DYM: variants seen among roughly 807,000 people sequenced by gnomAD.
DYM encodes the protein dyggve-Melchior-Clausen syndrome protein.
In DYM, 78 loss-of-function variants were observed where a neutral mutation model predicts 93.1. The ratio of observed to expected loss-of-function variants is 0.84; its 90% CI spans 0.70 to 1.01. The LOEUF is 1.01. Among genes scored for constraint, DYM ranks in the 50% least tolerant of loss-of-function variants. The pLI is 0.00. For synonymous variants in DYM, 321 were observed against 319.7 expected, an observed-to-expected ratio of 1.00 and a Z score of -0.04; for missense variants, 789 against 845.0, an observed-to-expected ratio of 0.93 and a Z score of 0.82.
intron 16 of DYM, among the ~76,000 whole-genome samples, chr18:49,098,345 TACAA>T (rs2079776828): frequency 6.6e-6 from 1 of 152,212 alleles, no homozygotes; most frequent in African/African-American, 2.4e-5. Context: ...TATATTAAGT[TACAA>T]ACAATCCTTC....
intron 9 of DYM, among the ~76,000 whole-genome samples, chr18:49,282,724 G>A (rs2095021456): frequency 6.6e-6 from 1 of 152,098 alleles, no homozygotes; most frequent in Non-Finnish European, 1.5e-5. Flanking sequence ...ATAAGAACAT[G>A]AACTTAAATA....
Position 49,038,094 on chromosome 18 carries a change from G to C in DYM, c.*5961C>G, listed in dbSNP as rs1192718514. Among the ~76,000 whole-genome samples the C allele has an allele frequency of 1.1e-4, 17 of 152,216 alleles. No homozygotes were observed. ...CCTGACTTGGCCTCTCAAAGTGCTA[G>C]TATTACAGATGTGAGCCACTGTGCC... On this transcript the variant is annotated 3_prime_UTR_variant, in exon 18 of 18. Coordinates refer to ENST00000675505, the MANE Select transcript of DYM (RefSeq NM_001353214.3).
chr18:49,065,665 A>AT lies in DYM; in HGVS notation c.2026-21462dup, dbSNP rs956686881. Among the ~76,000 whole-genome samples the AT allele has an allele frequency of 4.0e-4, 60 of 148,826 alleles. 1 individual carries two copies. Among genetic ancestry groups the AT allele is most frequent in the Non-Finnish European group, 6.1e-4 (41 of 66,864 alleles). ...GCATGAGCCACTGCACCCGGCCTCA[A>AT]TTTTTTTTTTTAACTACATGCTTGT... On this transcript the variant is annotated intron_variant, in intron 17 of 17. Transcript: ENST00000675505.
At chr18:49,228,988 T>A (rs540076999) in intron 13 of DYM, among the ~76,000 whole-genome samples, 5 of 152,278 alleles carry the variant, frequency 3.3e-5, no homozygotes, top group African/African-American at 1.2e-4. Context: ...ACATAATTTT[T>A]AAGAAAATTA....
chr18:49,145,749 A>C (rs1252149619), intron 15 of DYM, among the ~76,000 whole-genome samples: 1 of 152,170 alleles, frequency 6.6e-6, no homozygotes, highest in Non-Finnish European at 1.5e-5. Context: ...TTATTCAACA[A>C]ATTCTTACTG....
intron 13 of DYM, among the ~76,000 whole-genome samples, chr18:49,242,819 C>G (rs2094055684): frequency 6.6e-6 from 1 of 152,192 alleles, no homozygotes; most frequent in African/African-American, 2.4e-5. Context: ...CCTGCCTCAG[C>G]CTCCCGAGTA....
chr18:49,137,581 G>C (rs1220693097), intron 15 of DYM, among the ~76,000 whole-genome samples: 7 of 152,082 alleles, frequency 4.6e-5, no homozygotes, highest in Non-Finnish European at 8.8e-5. Flanking sequence ...TAATTTAGTA[G>C]GAATATTAAG....
chr18:49,046,641 T>C (rs2071625724), intron 17 of DYM, among the ~76,000 whole-genome samples: 1 of 152,238 alleles, frequency 6.6e-6, no homozygotes, highest in Non-Finnish European at 1.5e-5. Context: ...AGCTCACGCC[T>C]GTAATCCCAG....
At chr18:49,244,222 T>G (rs2094111344) in intron 13 of DYM, among the ~76,000 whole-genome samples, 1 of 152,210 alleles carries the variant, frequency 6.6e-6, no homozygotes. Context: ...GAGGAAATCC[T>G]CACTTAACTG....
intron 8 of DYM, 106 bp downstream of exon 8, chr18:49,331,758 T>C: frequency 1.6e-6 from 2 of 1,243,234 alleles, no homozygotes; most frequent in East Asian, 4.6e-5. Context: ...GCTGCACAAA[T>C]TCAATGTAAC....
chr18:49,426,590 A>G (rs894944381), intron 2 of DYM, among the ~76,000 whole-genome samples: 2 of 151,534 alleles, frequency 1.3e-5, no homozygotes, highest in African/African-American at 4.9e-5. Context: ...CAAAAGATAT[A>G]AACAGTTCAC....
chr18:49,276,497 A>C (rs1473349555), intron 10 of DYM, among the ~76,000 whole-genome samples: 1 of 152,156 alleles, frequency 6.6e-6, no homozygotes, highest in African/African-American at 2.4e-5. Flanking sequence ...GAGATCTGAA[A>C]AACTACTAGG....
intron 15 of DYM, among the ~76,000 whole-genome samples, chr18:49,156,060 T>C (rs1184530853): frequency 6.6e-6 from 1 of 152,220 alleles, no homozygotes; most frequent in African/African-American, 2.4e-5. Context: ...CACTTGTTAT[T>C]ATCTGCCTTT....
intron 6 of DYM, among the ~76,000 whole-genome samples, chr18:49,341,491 CAAAAAAAAAAA>C (rs10578063): frequency 3.9e-4 from 25 of 64,924 alleles, no homozygotes; most frequent in African/African-American, 9.6e-4. Flanking sequence ...GACTCCATCG[CAAAAAAAAAAA>C]AAAAAAAAAA....
chr18:49,167,035 C>T (rs868013548), intron 14 of DYM, among the ~76,000 whole-genome samples: 10 of 137,452 alleles, frequency 7.3e-5, no homozygotes, highest in East Asian at 4.2e-4. Flanking sequence ...TGTGTGTGTG[C>T]GCGCCTGTGT....
chr18:49,110,174 C>T (rs1377302041), intron 16 of DYM, among the ~76,000 whole-genome samples: 2 of 152,188 alleles, frequency 1.3e-5, no homozygotes, highest in African/African-American at 4.8e-5. Context: ...ACTATGTGGC[C>T]TGTGAAGACT....
intron 17 of DYM, among the ~76,000 whole-genome samples, chr18:49,047,570 C>T (rs1406115407): frequency 1.3e-5 from 2 of 152,208 alleles, no homozygotes; most frequent in African/African-American, 2.4e-5. Context: ...CAGCTTTCTA[C>T]TCCCTCCTCG....
chr18:49,278,048 T>C (rs2094888291), intron 10 of DYM, among the ~76,000 whole-genome samples: 1 of 152,174 alleles, frequency 6.6e-6, no homozygotes, highest in Non-Finnish European at 1.5e-5. Flanking sequence ...GCAAAGAATG[T>C]AGCTTTCAAG....
chr18:49,443,824 A>G (rs114780739), intron 1 of DYM, among the ~76,000 whole-genome samples: 182 of 152,364 alleles, frequency 1.2e-3, no homozygotes, highest in African/African-American at 4.1e-3. Flanking sequence ...AGTATTTGCC[A>G]ATGGTGAGTT....
Sources: allele counts gnomAD v4.1 joint callset (sites outside exome capture counted in the v4.1 genomes callset), GRCh38; gene constraint gnomAD v4.1.1; transcripts MANE v1.5; gene names NCBI Gene and HGNC (gene_info 2026-07-23, HGNC 2026-07-21).